MS4A18: variants seen among roughly 807,000 people sequenced by gnomAD.
The protein encoded by MS4A18 is membrane spanning 4-domains A18.
A neutral mutation model predicts 13.1 loss-of-function variants in MS4A18; 27 were observed. The observed-to-expected ratio is 2.06, with a 90% confidence interval of 1.52 to 2.84. The LOEUF (loss-of-function observed/expected upper bound fraction) is 2.84. Ranked by LOEUF, MS4A18 falls within the 30% of genes most tolerant of loss-of-function variation. MS4A18 has a pLI of 0.00. For synonymous variants in MS4A18, 126 were observed against 76.5 expected, an observed-to-expected ratio of 1.65 and a Z score of -3.38; for missense variants, 307 against 196.4, an observed-to-expected ratio of 1.56 and a Z score of -3.37.
chr11:60,728,877 G>C (rs1004918994), upstream of MS4A18, among the ~76,000 whole-genome samples: 1 of 152,104 alleles, frequency 6.6e-6, no homozygotes, highest in Non-Finnish European at 1.5e-5. Context: ...AGTAGTCCTT[G>C]GGTCCAGTTC....
chr11:60,736,892 G>A (rs1236879610), intron 2 of MS4A18, 86 bp from the exon 4 acceptor site: 6 of 671,352 alleles, frequency 8.9e-6, no homozygotes, highest in Non-Finnish European at 1.6e-5. Context: ...CATAAAGATT[G>A]AGAAATGCGT....
At chr11:60,743,970 C>T (rs1853448657) in exon 6 of MS4A18, 2 of 702,688 alleles carry the variant, frequency 2.8e-6, no homozygotes, top group Non-Finnish European at 5.2e-6. Context: ...GCAATGTACC[C>T]CCGAACCCTC....
intron 3 of MS4A18, among the ~76,000 whole-genome samples, chr11:60,738,033 G>A (rs775756584): frequency 7.2e-5 from 11 of 152,168 alleles, no homozygotes; most frequent in South Asian, 2.1e-4. Context: ...CTGCTGACTC[G>A]TGGGGGTCTC....
At chr11:60,743,907 T>C (rs1853446487) in exon 6 of MS4A18, 2 of 702,950 alleles carry the variant, frequency 2.8e-6, no homozygotes, top group Non-Finnish European at 5.2e-6. Flanking sequence ...CCGTTAACAC[T>C]ACCACTGCCC....
At chr11:60,729,671 A>G (rs1430614813) in exon 1 of MS4A18, 1 of 702,800 alleles carries the variant, frequency 1.4e-6, no homozygotes, top group Non-Finnish European at 2.6e-6. Flanking sequence ...AATCCTCTGA[A>G]TGCTAACCCT....
intron 2 of MS4A18, among the ~76,000 whole-genome samples, chr11:60,735,628 C>T (rs1344234082): frequency 8.4e-5 from 12 of 142,386 alleles, no homozygotes; most frequent in Non-Finnish European, 1.2e-4. Context: ...TGAGCCACGG[C>T]GGCTGGCCGA....
chr11:60,744,230 A>C (rs1266495602), downstream of MS4A18: 1 of 501,528 alleles, frequency 2.0e-6, no homozygotes, highest in East Asian at 3.5e-5. Flanking sequence ...GTATCTTTTA[A>C]CCTTGGCAAA....
At chr11:60,728,837 C>T (rs1212079074), upstream of MS4A18, among the ~76,000 whole-genome samples, 1 of 152,120 alleles carries the variant, frequency 6.6e-6, no homozygotes, top group Admixed American at 6.5e-5. Flanking sequence ...ACATGTGACC[C>T]CTCCAACTCT....
chr11:60,727,828 C>T (rs187646861), upstream of MS4A18, among the ~76,000 whole-genome samples: 28 of 152,300 alleles, frequency 1.8e-4, no homozygotes, highest in East Asian at 4.8e-3. Flanking sequence ...GGGCTACATG[C>T]CTACCTCCTC....
At chr11:60,728,571 G>A (rs1257442586), upstream of MS4A18, among the ~76,000 whole-genome samples, 1 of 151,266 alleles carries the variant, frequency 6.6e-6, no homozygotes, top group Admixed American at 6.6e-5. Context: ...CTCTGTGTGT[G>A]TGAGTGTGTG....
chr11:60,725,005 A>G (rs536560718), upstream of MS4A18, among the ~76,000 whole-genome samples: 1 of 152,298 alleles, frequency 6.6e-6, no homozygotes, highest in South Asian at 2.1e-4. Flanking sequence ...AAGAGTCACA[A>G]CAGGTTCTCA....
chr11:60,732,453 G>A (rs1853269092), intron 1 of MS4A18, among the ~76,000 whole-genome samples: 1 of 152,040 alleles, frequency 6.6e-6, no homozygotes, highest in Non-Finnish European at 1.5e-5. Context: ...ATTCAGGCCT[G>A]GCGTGGTGGC....
upstream of MS4A18, among the ~76,000 whole-genome samples, chr11:60,725,583 G>A (rs968417531): frequency 4.6e-5 from 7 of 152,012 alleles, no homozygotes; most frequent in Admixed American, 3.3e-4. Context: ...TCAGGTCTAC[G>A]GCTGTATTGT....
At chr11:60,737,593 G>T (rs1028579803) in intron 3 of MS4A18, among the ~76,000 whole-genome samples, 4 of 152,122 alleles carry the variant, frequency 2.6e-5, no homozygotes, top group Non-Finnish European at 5.9e-5. Context: ...TGCACCTTTG[G>T]GGCATTTATT....
At chr11:60,728,158 C>T (rs1253064900), upstream of MS4A18, among the ~76,000 whole-genome samples, 1 of 152,148 alleles carries the variant, frequency 6.6e-6, no homozygotes, top group Non-Finnish European at 1.5e-5. Context: ...GCCACTTGGC[C>T]CATGGTTCCT....
chr11:60,740,943 G>A, intron 4 of MS4A18, 87 bp from the exon 6 acceptor site: 2 of 696,298 alleles, frequency 2.9e-6, no homozygotes, highest in South Asian at 1.5e-5. Context: ...GGCCTTCCAG[G>A]TGAGGTGTGT....
chr11:60,738,089 A>G (rs1003521760), intron 3 of MS4A18, among the ~76,000 whole-genome samples: 1 of 152,154 alleles, frequency 6.6e-6, no homozygotes, highest in African/African-American at 2.4e-5. Context: ...TGAAATCTCA[A>G]CTTCCGTTTC....
At chr11:60,740,563 G>T (rs1853400129) in intron 4 of MS4A18, among the ~76,000 whole-genome samples, 1 of 152,210 alleles carries the variant, frequency 6.6e-6, no homozygotes, top group Non-Finnish European at 1.5e-5. Context: ...CCTCATACAG[G>T]GTTTCCTAGC....
chr11:60,728,587 C>CTGTCTG (rs1565058366), upstream of MS4A18, among the ~76,000 whole-genome samples: 1 of 150,254 alleles, frequency 6.7e-6, no homozygotes, highest in Non-Finnish European at 1.5e-5. Context: ...GTGTGTCTGT[C>CTGTCTG]TGTCTGTGTC....
Sources: allele counts gnomAD v4.1 joint callset (sites outside exome capture counted in the v4.1 genomes callset), GRCh38; gene constraint gnomAD v4.1.1; transcripts MANE v1.5; gene names NCBI Gene and HGNC (gene_info 2026-07-23, HGNC 2026-07-21).